Variants in NXPH1 observed in about 807,000 individuals in gnomAD.
The protein encoded by NXPH1 is neurexophilin-1.
In NXPH1, 5 loss-of-function variants were observed where a neutral mutation model predicts 23.7. That is an observed-to-expected ratio of 0.21 (90% CI 0.11 to 0.44). The LOEUF (loss-of-function observed/expected upper bound fraction) is 0.44. Ranked by LOEUF, NXPH1 falls within the 20% of genes least tolerant of loss-of-function variation. NXPH1 has a pLI of 0.99. For synonymous variants in NXPH1, 144 were observed against 122.2 expected, an observed-to-expected ratio of 1.18 and a Z score of -1.18; for missense variants, 324 against 321.6, an observed-to-expected ratio of 1.01 and a Z score of -0.06.
intron 2 of NXPH1, among the ~76,000 whole-genome samples, chr7:8,536,478 T>C (rs920473383): frequency 2.6e-5 from 4 of 152,068 alleles, no homozygotes; most frequent in African/African-American, 7.2e-5. Context: ...AATGGCTCTT[T>C]TTGCTAGTAG....
At chr7:8,533,915 C>T (rs17150705) in intron 2 of NXPH1, among the ~76,000 whole-genome samples, 8,576 of 152,100 alleles carry the variant, frequency 0.056, 400 homozygotes, top group East Asian at 0.25. Flanking sequence ...AAGTATGCCT[C>T]AGTTCACTGA....
intron 2 of NXPH1, among the ~76,000 whole-genome samples, chr7:8,567,716 C>T (rs1166802585): frequency 6.6e-6 from 1 of 151,814 alleles, no homozygotes; most frequent in Non-Finnish European, 1.5e-5. Context: ...CTGAGGTGCT[C>T]TCTGAGGTTA....
At position 8,700,105 on chromosome 7, in the gene NXPH1, A is replaced by T. The variant is rs1779598522; in HGVS notation, c.55-50903A>T. ...GTGAAAGGCAGCAGAGCACATGTTT[A>T]AAAGCTCTCCAGTGAGGCACCTGAG... On this transcript the variant is annotated intron_variant, in intron 2 of 2. Transcript: ENST00000405863. Among the ~76,000 whole-genome samples the T allele has an allele frequency of 2.0e-5, 3 of 152,258 alleles. No homozygotes were observed. In the South Asian group the frequency reaches 6.2e-4, roughly 32 times the overall value.
intron 2 of NXPH1, among the ~76,000 whole-genome samples, chr7:8,476,090 A>G (rs867295968): frequency 6.6e-6 from 1 of 152,184 alleles, no homozygotes; most frequent in Non-Finnish European, 1.5e-5. Context: ...AAGTTCTTCT[A>G]CAGTAGGTTT....
intron 2 of NXPH1, among the ~76,000 whole-genome samples, chr7:8,681,820 C>T (rs1821053967): frequency 6.6e-6 from 1 of 152,182 alleles, no homozygotes; most frequent in African/African-American, 2.4e-5. Flanking sequence ...ATCTGGCCTA[C>T]CACATCTATA....
At chr7:8,545,183 T>A (rs986706778) in intron 2 of NXPH1, among the ~76,000 whole-genome samples, 18 of 151,352 alleles carry the variant, frequency 1.2e-4, no homozygotes, top group Non-Finnish European at 2.2e-4. Flanking sequence ...TCCCAAAGAG[T>A]AGCTTGTGAA....
At chr7:8,692,551 T>C (rs1488133196) in intron 2 of NXPH1, among the ~76,000 whole-genome samples, 6 of 152,196 alleles carry the variant, frequency 3.9e-5, no homozygotes, top group Non-Finnish European at 8.8e-5. Context: ...AAGGGACTTA[T>C]ATGTGCTCTA....
At chr7:8,715,536 C>T (rs573931112) in intron 2 of NXPH1, among the ~76,000 whole-genome samples, 2 of 152,116 alleles carry the variant, frequency 1.3e-5, no homozygotes, top group Non-Finnish European at 2.9e-5. Context: ...GAACTCTTGG[C>T]TCTTGAATTT....
chr7:8,634,773 T>A (rs1036125858), intron 2 of NXPH1, among the ~76,000 whole-genome samples: 1 of 150,330 alleles, frequency 6.7e-6, no homozygotes, highest in Non-Finnish European at 1.5e-5. Flanking sequence ...TTTATATCTA[T>A]CTTCTTACTT....
At chr7:8,489,784 A>T (rs1393335638) in intron 2 of NXPH1, among the ~76,000 whole-genome samples, 2 of 152,110 alleles carry the variant, frequency 1.3e-5, no homozygotes, top group African/African-American at 2.4e-5. Context: ...TTAGCTGGAC[A>T]TTTAACCTCC....
At chr7:8,591,443 C>T (rs890198678) in intron 2 of NXPH1, among the ~76,000 whole-genome samples, 3 of 151,970 alleles carry the variant, frequency 2.0e-5, no homozygotes, top group African/African-American at 7.2e-5. Context: ...TTTGCTTTCC[C>T]ACCTGTATCT....
intron 2 of NXPH1, among the ~76,000 whole-genome samples, chr7:8,437,448 C>A (rs1816216571): frequency 6.6e-6 from 1 of 152,136 alleles, no homozygotes; most frequent in Non-Finnish European, 1.5e-5. Flanking sequence ...AACCCGCTTG[C>A]CCTTTTCCTC....
intron 2 of NXPH1, among the ~76,000 whole-genome samples, chr7:8,702,624 C>G (rs1562459280): frequency 6.6e-6 from 1 of 152,034 alleles, no homozygotes; most frequent in South Asian, 2.1e-4. Context: ...TTTCCTGGCT[C>G]CATTTAGTGT....
intron 2 of NXPH1, among the ~76,000 whole-genome samples, chr7:8,519,825 T>A (rs1817741571): frequency 6.6e-6 from 1 of 152,124 alleles, no homozygotes; most frequent in African/African-American, 2.4e-5. Flanking sequence ...TACACATACA[T>A]ATATTTATAC....
chr7:8,541,213 G>A (rs1818111755), intron 2 of NXPH1, among the ~76,000 whole-genome samples: 2 of 151,498 alleles, frequency 1.3e-5, no homozygotes, highest in South Asian at 2.1e-4. Flanking sequence ...TTTAGATATG[G>A]AAGATACAAA....
intron 2 of NXPH1, among the ~76,000 whole-genome samples, chr7:8,449,198 T>C (rs1043387368): frequency 1.3e-5 from 2 of 152,214 alleles, no homozygotes; most frequent in Admixed American, 1.3e-4. Flanking sequence ...CTGGAAGGAC[T>C]TGTCGAAACA....
At chr7:8,584,267 T>C (rs1422881077) in intron 2 of NXPH1, among the ~76,000 whole-genome samples, 2 of 152,162 alleles carry the variant, frequency 1.3e-5, no homozygotes, top group Admixed American at 6.5e-5. Context: ...TTAACCTCCA[T>C]ACTTAGAACT....
At chr7:8,652,688 C>G (rs962115416) in intron 2 of NXPH1, among the ~76,000 whole-genome samples, 5 of 152,108 alleles carry the variant, frequency 3.3e-5, no homozygotes, top group African/African-American at 9.7e-5. Flanking sequence ...TTGAATTAAT[C>G]TCTATTTTCT....
intron 2 of NXPH1, among the ~76,000 whole-genome samples, chr7:8,699,430 A>G (rs922514910): frequency 2.3e-5 from 3 of 132,858 alleles, no homozygotes; most frequent in East Asian, 4.9e-4. Context: ...TCAATGTTTT[A>G]TCTCATCAAG....
Sources: gnomAD v4.1 joint callset for allele counts (sites outside exome capture counted in the v4.1 genomes callset) on GRCh38, gnomAD v4.1.1 for gene constraint, MANE v1.5 for transcripts, NCBI Gene and HGNC (gene_info 2026-07-23, HGNC 2026-07-21) for gene names.